The following CNOT2 variants were observed in gnomAD, a reference collection of about 807,000 sequenced individuals.
The protein encoded by CNOT2 is CCR4-NOT transcription complex subunit 2.
A neutral mutation model predicts 72.1 loss-of-function variants in CNOT2; 7 were observed. The observed-to-expected ratio is 0.10, with a 90% CI of 0.06 to 0.18. The LOEUF is 0.18. Ranked by LOEUF, CNOT2 falls within the 10% of genes least tolerant of loss-of-function variation. The pLI, the probability that CNOT2 is intolerant of heterozygous loss-of-function variation, is 1.00. For synonymous variants in CNOT2, 196 were observed against 225.6 expected (o/e 0.87, Z 1.17); for missense variants, 345 against 660.3 (o/e 0.52, Z 5.23).
intron 1 of CNOT2, among the ~76,000 whole-genome samples, chr12:70,275,547 T>C (rs1470839680): frequency 6.6e-6 from 1 of 152,120 alleles, no homozygotes; most frequent in Non-Finnish European, 1.5e-5. Context: ...TGGAAACCAT[T>C]GTTTCATATA....
At chr12:70,292,557 G>T (rs147152516) in intron 2 of CNOT2, among the ~76,000 whole-genome samples, 1 of 152,146 alleles carries the variant, frequency 6.6e-6, no homozygotes, top group Admixed American at 6.5e-5. Flanking sequence ...GAGTATGTCC[G>T]ATGTGTTTGA....
chr12:70,252,044 T>C (rs1958164222), intron 1 of CNOT2, among the ~76,000 whole-genome samples: 1 of 152,250 alleles, frequency 6.6e-6, no homozygotes, highest in East Asian at 1.9e-4. Context: ...TGTGTGTTTC[T>C]CAAAATATAT....
chr12:70,246,679 A>G (rs1229796285), intron 1 of CNOT2, among the ~76,000 whole-genome samples: 2 of 152,204 alleles, frequency 1.3e-5, no homozygotes, highest in Non-Finnish European at 2.9e-5. Flanking sequence ...CATTGTAGAA[A>G]GTTTGCCTTG....
At position 70,338,765 on chromosome 12, in the gene CNOT2, T is replaced by G; in HGVS notation, c.1121T>G (p.Val374Gly). 1 of 1,613,608 alleles carries G rather than the reference T, an allele frequency of 6.2e-7. No individual in the cohort carries two copies. Among genetic ancestry groups the G allele is most frequent in the Non-Finnish European group, 8.5e-7 (1 of 1,179,654 alleles). Residue 374 changes from valine (V) to glycine (G), a missense_variant, in exon 11 of 16, where the codon GTA becomes GGA. Coordinates refer to ENST00000229195, the MANE Select transcript of CNOT2 (RefSeq NM_014515.7). Reference sequence around the variant, plus strand: ...GCAGCAGAGACAGACCCAGGAATGGTACATCTTGCATTAGGAAGTGACTTA... The same window carrying G: ...GCAGCAGAGACAGACCCAGGAATGGGACATCTTGCATTAGGAAGTGACTTA... ...IRAAETDPGMVHLALGSDLTT... is the reference protein window; with the variant it reads ...IRAAETDPGMGHLALGSDLTT...
At chr12:70,337,119 C>A in intron 8 of CNOT2, 1 of 222,136 alleles carries the variant, frequency 4.5e-6, no homozygotes, top group East Asian at 9.3e-5. Context: ...AATAATTAAT[C>A]CAATATCAAA....
intron 4 of CNOT2, among the ~76,000 whole-genome samples, chr12:70,319,835 T>C (rs1295247434): frequency 2.0e-5 from 3 of 151,712 alleles, no homozygotes; most frequent in Non-Finnish European, 4.4e-5. Context: ...TTCTTTTGCT[T>C]TAGCTCAGTC....
At chr12:70,269,790 A>G (rs1480750067) in intron 1 of CNOT2, among the ~76,000 whole-genome samples, 2 of 152,140 alleles carry the variant, frequency 1.3e-5, no homozygotes, top group African/African-American at 4.8e-5. Flanking sequence ...TACCCCAGCC[A>G]AGTTTATGTA....
At chr12:70,350,013 T>C (rs1181740893) in intron 15 of CNOT2, among the ~76,000 whole-genome samples, 1 of 152,030 alleles carries the variant, frequency 6.6e-6, no homozygotes, top group Non-Finnish European at 1.5e-5. Flanking sequence ...ATTTTTTTTT[T>C]TAATTTAACA....
At chr12:70,277,555 T>A (rs1869057976) in intron 1 of CNOT2, among the ~76,000 whole-genome samples, 1 of 152,182 alleles carries the variant, frequency 6.6e-6, no homozygotes, top group Non-Finnish European at 1.5e-5. Flanking sequence ...CATTTTTTGC[T>A]CTTCTTTTTG....
intron 14 of CNOT2, 96 bp from the exon 15 acceptor site, chr12:70,346,084 A>G (rs922053310): frequency 3.1e-6 from 2 of 650,634 alleles, no homozygotes; most frequent in Middle Eastern, 2.9e-4. Flanking sequence ...TTTATGTGTA[A>G]TTTTTTTTTT....
chr12:70,327,975 A>G (rs530945452), intron 4 of CNOT2, among the ~76,000 whole-genome samples: 4 of 151,974 alleles, frequency 2.6e-5, no homozygotes, highest in African/African-American at 9.6e-5. Context: ...ATTCAAAGAA[A>G]GTGGCTTCAG....
At chr12:70,283,349 A>G (rs1479251049) in intron 2 of CNOT2, among the ~76,000 whole-genome samples, 1 of 152,128 alleles carries the variant, frequency 6.6e-6, no homozygotes, top group Admixed American at 6.6e-5. Flanking sequence ...AGTCCTAGCT[A>G]CTGGAGAGGC....
In CNOT2 at chr12:70,344,220, A is replaced by G. The variant is rs946512415; in HGVS notation, c.1383A>G (p.Ala461=). 5.6e-6 allele frequency: 9 copies of G among 1,595,684 alleles called. No individual in the cohort carries two copies. The African/African-American group carries it at 6.7e-5, about 12-fold the overall frequency. Residue 461 remains alanine, a synonymous_variant, in exon 14 of 16, where the codon GCA becomes GCG. Transcript: ENST00000229195. Reference sequence around the variant, plus strand: ...GAGACGTATTACAACTTTTAGCTGCAGTGGAGCTGTATGTTCAAAGTATTT... The same window carrying G: ...GAGACGTATTACAACTTTTAGCTGCGGTGGAGCTGTATGTTCAAAGTATTT... ...NGGDVLQLLA[A]VELFNRDWRY...
chr12:70,303,980 T>C (rs879331631), intron 2 of CNOT2, among the ~76,000 whole-genome samples: 6 of 152,234 alleles, frequency 3.9e-5, no homozygotes, highest in Admixed American at 1.3e-4. Context: ...TGATACCCTT[T>C]CTTCCAGCTG....
Position 70,325,326 on chromosome 12 carries a change from G to A in CNOT2, c.239-4097G>A, listed in dbSNP as rs973584424. 4.1e-4 allele frequency among the ~76,000 whole-genome samples: 63 copies of A among 151,920 alleles called. No individual in the cohort carries two copies. In the East Asian group the frequency reaches 4.5e-3, roughly 11 times the overall value. On this transcript the variant is annotated intron_variant, in intron 4 of 15. Coordinates refer to ENST00000229195, the MANE Select transcript of CNOT2 (RefSeq NM_014515.7). ...CCTGACTGCACCCATGGAAACACCT[G>A]GGGAATTTTTAAAATTCCACTGCCA...
chr12:70,264,004 T>C (rs971239667), intron 1 of CNOT2, among the ~76,000 whole-genome samples: 7 of 152,236 alleles, frequency 4.6e-5, no homozygotes, highest in Non-Finnish European at 7.3e-5. Flanking sequence ...TTTTCACTTA[T>C]ATATATCTGT....
intron 2 of CNOT2, among the ~76,000 whole-genome samples, chr12:70,286,627 TTTTCTTA>T (rs1870944181): frequency 6.7e-6 from 1 of 149,964 alleles, no homozygotes; most frequent in South Asian, 2.2e-4. Context: ...CAATATCATG[TTTTCTTA>T]AATACTAAAG....
chr12:70,339,543 A>G (rs894107438), intron 11 of CNOT2, among the ~76,000 whole-genome samples: 5 of 152,052 alleles, frequency 3.3e-5, no homozygotes, highest in Non-Finnish European at 7.4e-5. Flanking sequence ...GTTTCTGCCT[A>G]TTTCATTCCT....
At chr12:70,284,322 G>A (rs1870473757) in intron 2 of CNOT2, among the ~76,000 whole-genome samples, 1 of 151,380 alleles carries the variant, frequency 6.6e-6, no homozygotes, top group East Asian at 1.9e-4. Flanking sequence ...TCCGCTCACT[G>A]CAACCTCTGC....
Sources: gnomAD v4.1 joint callset for allele counts (sites outside exome capture counted in the v4.1 genomes callset) on GRCh38, gnomAD v4.1.1 for gene constraint, MANE v1.5 for transcripts, NCBI Gene and HGNC (gene_info 2026-07-23, HGNC 2026-07-21) for gene names.